Variants in PTPRF observed in about 807,000 individuals in gnomAD.
The protein encoded by PTPRF is receptor-type tyrosine-protein phosphatase F.
PTPRF carries 59 observed loss-of-function variants against 201.8 expected under a neutral mutation model. That is an observed-to-expected ratio of 0.29 (90% CI 0.24 to 0.36). PTPRF has a LOEUF of 0.36. Ranked by LOEUF, PTPRF falls within the 10% of genes least tolerant of loss-of-function variation. PTPRF has a pLI of 1.00. For synonymous variants in PTPRF, 1,088 were observed against 1,089.7 expected (o/e 1.00, Z 0.03); for missense variants, 2,132 against 2,690.5 (o/e 0.79, Z 4.59).
rs766242792 is a variant in PTPRF at position 43,619,583 on chromosome 1, G to C, written c.4932+10G>C. Reference sequence around the variant, plus strand: ...GGAGCTCGAGTTCAAGGTGGGGCTCGGGTGGGCCTGCTTGGCTCCAGGGCC... The same window carrying C: ...GGAGCTCGAGTTCAAGGTGGGGCTCCGGTGGGCCTGCTTGGCTCCAGGGCC... On this transcript the variant is annotated intron_variant, in intron 28 of 33. Transcript: ENST00000359947. 1 of 1,611,146 alleles carries C rather than the reference G, an allele frequency of 6.2e-7. No individual in the cohort carries two copies. Among genetic ancestry groups the C allele is most frequent in the Non-Finnish European group, 8.5e-7 (1 of 1,177,782 alleles).
intron 10 of PTPRF, 138 bp from the exon 11 acceptor site, chr1:43,592,319 C>T (rs1012127626): frequency 1.8e-6 from 2 of 1,093,490 alleles, no homozygotes; most frequent in South Asian, 1.6e-5. Context: ...CTTTTGTGCT[C>T]CATGTGGCCT....
In PTPRF at chr1:43,622,356, G is replaced by A. The variant is rs114773270; in HGVS notation, c.*353G>A. ...TAATACATTAAGTGGGGTAGACTGA[G>A]GGATTTTAGCCTCTTCCCTCTGATT... On this transcript the variant is annotated 3_prime_UTR_variant, in exon 34 of 34. Coordinates refer to ENST00000359947, the MANE Select transcript of PTPRF (RefSeq NM_002840.5). The A allele has an allele frequency of 6.6e-3, 1,705 of 258,582 alleles. 35 individuals carry two copies. Among genetic ancestry groups the A allele is most frequent in the African/African-American group, 0.036 (1,646 of 45,342 alleles). 16.0% of individuals were successfully genotyped at this position (258,582 alleles called of 1,614,324 possible).
chr1:43,619,937 G>A, intron 29 of PTPRF, 79 bp downstream of exon 29: 2 of 1,572,998 alleles, frequency 1.3e-6, no homozygotes, highest in Non-Finnish European at 1.7e-6. Context: ...GGGCAGCAGA[G>A]TAGGGCCAGC....
chr1:43,551,914 T>C (rs932852901), intron 3 of PTPRF, among the ~76,000 whole-genome samples: 1 of 152,012 alleles, frequency 6.6e-6, no homozygotes, highest in East Asian at 1.9e-4. Flanking sequence ...CCAGAGCCCC[T>C]GGCCCCTGGA....
At chr1:43,613,774 G>A (rs1657066622) in intron 23 of PTPRF, 59 bp downstream of exon 23, 2 of 1,444,196 alleles carry the variant, frequency 1.4e-6, no homozygotes, top group Non-Finnish European at 1.9e-6. Flanking sequence ...ACCAGCTCCT[G>A]TCCTGTCCTA....
intron 1 of PTPRF, among the ~76,000 whole-genome samples, chr1:43,535,361 A>C (rs1418490242): frequency 6.6e-6 from 1 of 151,776 alleles, no homozygotes; most frequent in Non-Finnish European, 1.5e-5. Flanking sequence ...TGAGTTCTCC[A>C]TTTCCTCCCA....
chr1:43,610,926 C>A (rs908230740), intron 22 of PTPRF, among the ~76,000 whole-genome samples: 4 of 152,212 alleles, frequency 2.6e-5, no homozygotes, highest in African/African-American at 7.2e-5. Flanking sequence ...TATATGCTAC[C>A]TACCTATGGT....
At chr1:43,538,497 G>A (rs1172790375) in intron 2 of PTPRF, among the ~76,000 whole-genome samples, 1 of 152,216 alleles carries the variant, frequency 6.6e-6, no homozygotes, top group Non-Finnish European at 1.5e-5. Context: ...GCTATTTAGG[G>A]AGGTAGAGTA....
chr1:43,613,013 A>C (rs1480336857), intron 22 of PTPRF: 5 of 364,642 alleles, frequency 1.4e-5, no homozygotes, highest in African/African-American at 2.2e-5. Flanking sequence ...TTTCTCTCCC[A>C]CCGGCCCCGT....
At chr1:43,566,090 C>G (rs766340529) in intron 5 of PTPRF, among the ~76,000 whole-genome samples, 1 of 152,162 alleles carries the variant, frequency 6.6e-6, no homozygotes, top group African/African-American at 2.4e-5. Context: ...CGCCGCGGCG[C>G]GTGTGCGGGG....
upstream of PTPRF, among the ~76,000 whole-genome samples, chr1:43,522,566 T>C (rs1309208435): frequency 6.6e-6 from 1 of 151,932 alleles, no homozygotes; most frequent in African/African-American, 2.4e-5. Flanking sequence ...TAACAAGAAG[T>C]ATAAAGGAAT....
At chr1:43,525,458 G>C (rs1436004788), upstream of PTPRF, among the ~76,000 whole-genome samples, 3 of 152,170 alleles carry the variant, frequency 2.0e-5, no homozygotes, top group Non-Finnish European at 4.4e-5. Context: ...GCTGGAAACA[G>C]AGGCCCAGCC....
rs772718721 is a variant in PTPRF at position 43,569,549 on chromosome 1, G to A, written c.380-41G>A. 5.8e-6 allele frequency: 9 copies of A among 1,543,526 alleles called. No homozygotes were observed. In the African/African-American group the frequency reaches 8.2e-5, roughly 14 times the overall value. On this transcript the variant is annotated intron_variant, in intron 5 of 33. Coordinates refer to ENST00000359947, the MANE Select transcript of PTPRF (RefSeq NM_002840.5). ...CCCCCAGAGGGGTCATAGGGGGCAG[G>A]CAGAGCCAGCCCTAATACACACATT... is the stretch of plus-strand genomic sequence containing the variant.
intron 1 of PTPRF, among the ~76,000 whole-genome samples, chr1:43,533,899 CTTCCTTTG>C (rs1643862255): frequency 1.3e-5 from 2 of 152,190 alleles, no homozygotes; most frequent in Admixed American, 1.3e-4. Context: ...GGCTGCCTTT[CTTCCTTTG>C]GGACTAACAG....
chr1:43,622,231 T>TC lies in PTPRF; in HGVS notation c.*230dup, dbSNP rs2154042273. ...GCAGGCAGGCACTGTGGCCCTTCTG[T>TC]CCACCAGACCCACCTGGAGCCCGCT... On this transcript the variant is annotated 3_prime_UTR_variant, in exon 34 of 34. Coordinates refer to ENST00000359947, the MANE Select transcript of PTPRF (RefSeq NM_002840.5). 2 of 556,266 alleles carry TC rather than the reference T, an allele frequency of 3.6e-6. No individual in the cohort carries two copies. The highest frequency in any genetic ancestry group is 4.6e-5 in the South Asian group (2 of 43,094). 34.5% of individuals were successfully genotyped at this position (556,266 alleles called of 1,614,324 possible). A position where few individuals can be genotyped will look rare whatever the true frequency, so the allele number is the denominator to read the frequency against.
Position 43,578,931 on chromosome 1 carries a change from A to T in PTPRF, c.679+11A>T. 1 of 1,612,954 alleles carries T rather than the reference A, an allele frequency of 6.2e-7. No homozygotes were observed. The highest frequency in any genetic ancestry group is 8.5e-7 in the Non-Finnish European group (1 of 1,178,960). ...ACCTGTATGTGCGAGGTAAGGACTC[A>T]GGCAGTGCCTGGCCCCTGTCACCAC... On this transcript the variant is annotated intron_variant, in intron 7 of 33. Transcript: ENST00000359947.
intron 5 of PTPRF, among the ~76,000 whole-genome samples, chr1:43,565,836 A>G (rs571561712): frequency 6.6e-6 from 1 of 151,988 alleles, no homozygotes; most frequent in Non-Finnish European, 1.5e-5. Flanking sequence ...CGGACAGCGG[A>G]CGCGCGCGCC....
In PTPRF at chr1:43,617,873, A is replaced by T. The variant is rs1408645384; in HGVS notation, c.4333A>T (p.Thr1445Ser). The T allele has an allele frequency of 1.2e-6, 2 of 1,613,138 alleles. No individual in the cohort carries two copies. The highest frequency in any genetic ancestry group is 8.5e-7 in the Non-Finnish European group (1 of 1,179,454). Reference sequence around the variant, plus strand: ...GATGGTGTGGGAACAGCGCACGGCCACTGTGGTCATGATGACACGGCTGGA... The same window carrying T: ...GATGGTGTGGGAACAGCGCACGGCCTCTGTGGTCATGATGACACGGCTGGA... ...WRMVWEQRTA[T>S]VVMMTRLEEK... is the part of the protein sequence containing the mutation. Residue 1445 changes from threonine (T) to serine (S), a missense_variant, in exon 25 of 34, where the codon ACT becomes TCT. Transcript: ENST00000359947.
intron 23 of PTPRF, among the ~76,000 whole-genome samples, chr1:43,615,566 TTTTTTTTTTTTTTTTC>T (rs1382240020): frequency 2.8e-4 from 37 of 132,804 alleles, no homozygotes; most frequent in South Asian, 2.5e-4. Flanking sequence ...TTTTTTTTTT[TTTTTTTTTTTTTTTTC>T]TTTTTTGGAA....
Sources: gnomAD v4.1 joint callset for allele counts (sites outside exome capture counted in the v4.1 genomes callset) on GRCh38, gnomAD v4.1.1 for gene constraint, MANE v1.5 for transcripts, NCBI Gene and HGNC (gene_info 2026-07-23, HGNC 2026-07-21) for gene names.